Variants in C13orf42 observed in about 807,000 individuals in gnomAD.
C13orf42 encodes chromosome 13 open reading frame 42.
At chr13:51,139,278 G>A (rs1231527979) in intron 1 of C13orf42, among the ~76,000 whole-genome samples, 1 of 152,066 alleles carries the variant, frequency 6.6e-6, no homozygotes, top group African/African-American at 2.4e-5. Flanking sequence ...TCACGCCACT[G>A]TACTCCAGCC....
At chr13:51,119,258 G>T (rs1173533811) in intron 1 of C13orf42, among the ~76,000 whole-genome samples, 1 of 152,092 alleles carries the variant, frequency 6.6e-6, no homozygotes, top group Admixed American at 6.5e-5. Flanking sequence ...GGAAATGAGA[G>T]GTTTCAGAAC....
chr13:51,116,768 C>T lies in C13orf42; in HGVS notation n.137-3546G>A, dbSNP rs185163756. On this transcript the variant is annotated intron_variant and non_coding_transcript_variant, in intron 1 of 4. Coordinates refer to the C13orf42 transcript ENST00000433280. ...ATTTGCTCACAAATCTGCAATTTAG[C>T]TGGGCTTCTGTTGGATGTGCCAGTG... Among the ~76,000 whole-genome samples the T allele has an allele frequency of 1.5e-4, 23 of 152,346 alleles. No homozygotes were observed. The East Asian group carries it at 3.7e-3, about 24-fold the overall frequency.
chr13:51,118,116 T>C (rs1953506691), intron 1 of C13orf42, among the ~76,000 whole-genome samples: 1 of 152,202 alleles, frequency 6.6e-6, no homozygotes, highest in Non-Finnish European at 1.5e-5. Flanking sequence ...AGTTCCAACT[T>C]CTGTTGCTAT....
intron 1 of C13orf42, among the ~76,000 whole-genome samples, chr13:51,117,614 A>G (rs574909079): frequency 1.3e-5 from 2 of 151,804 alleles, no homozygotes; most frequent in Non-Finnish European, 2.9e-5. Context: ...GGGTTGGAGT[A>G]AATAAAATAT....
chr13:51,152,359 T>C (rs1398508776), intron 1 of C13orf42, among the ~76,000 whole-genome samples: 1 of 152,222 alleles, frequency 6.6e-6, no homozygotes, highest in Non-Finnish European at 1.5e-5. Flanking sequence ...ATTTATTTAT[T>C]TTTTAAGAGA....
At chr13:51,156,048 T>G (rs993351304) in intron 1 of C13orf42, among the ~76,000 whole-genome samples, 1 of 152,158 alleles carries the variant, frequency 6.6e-6, no homozygotes, top group African/African-American at 2.4e-5. Flanking sequence ...TAGGCCACCT[T>G]GAGGATACGG....
At chr13:51,147,184 C>A (rs2138035133) in intron 1 of C13orf42, among the ~76,000 whole-genome samples, 1 of 152,168 alleles carries the variant, frequency 6.6e-6, no homozygotes, top group South Asian at 2.1e-4. Context: ...TCTGCATCTG[C>A]ATAGCATCTA....
chr13:51,085,191 A>G, intron 3 of C13orf42, 128 bp downstream of exon 3: 1 of 125,484 alleles, frequency 8.0e-6, no homozygotes, highest in Non-Finnish European at 1.4e-5. Context: ...ACAAATATAT[A>G]TATATATATA....
At chr13:51,118,525 G>C (rs1050996819) in intron 1 of C13orf42, among the ~76,000 whole-genome samples, 8 of 152,222 alleles carry the variant, frequency 5.3e-5, no homozygotes, top group African/African-American at 1.9e-4. Flanking sequence ...CTAGAATCAG[G>C]AGTCAGTCAA....
intron 1 of C13orf42, among the ~76,000 whole-genome samples, chr13:51,151,613 T>C (rs1953778369): frequency 6.6e-6 from 1 of 152,198 alleles, no homozygotes; most frequent in Admixed American, 6.5e-5. Context: ...ACCCTGCCAA[T>C]GCAAATATGC....
intron 1 of C13orf42, among the ~76,000 whole-genome samples, chr13:51,170,059 A>T (rs2138056430): frequency 6.6e-6 from 1 of 152,274 alleles, no homozygotes; most frequent in Non-Finnish European, 1.5e-5. Context: ...ACCTTGTGAA[A>T]GTCCTTTTCC....
At chr13:51,154,565 G>A (rs1337897256) in intron 1 of C13orf42, among the ~76,000 whole-genome samples, 2 of 152,308 alleles carry the variant, frequency 1.3e-5, no homozygotes, top group South Asian at 2.1e-4. Flanking sequence ...CACCAGAGTG[G>A]AGCAAGCGAG....
At chr13:51,142,446 TA>T (rs1176913700) in intron 1 of C13orf42, among the ~76,000 whole-genome samples, 1 of 152,070 alleles carries the variant, frequency 6.6e-6, no homozygotes, top group African/African-American at 2.4e-5. Context: ...CATAAACAAC[TA>T]AAATAAAGTA....
chr13:51,108,942 A>G (rs951542217), intron 1 of C13orf42, among the ~76,000 whole-genome samples: 4 of 152,216 alleles, frequency 2.6e-5, no homozygotes, highest in African/African-American at 9.6e-5. Context: ...AGATAGCTCA[A>G]CAAGGAAGGG....
chr13:51,109,793 T>G (rs1475739418), intron 1 of C13orf42, among the ~76,000 whole-genome samples: 1 of 152,070 alleles, frequency 6.6e-6, no homozygotes, highest in Non-Finnish European at 1.5e-5. Flanking sequence ...AAAGAGTAAC[T>G]GAATGAATTG....
chr13:51,091,679 T>C (rs574773207), intron 1 of C13orf42, among the ~76,000 whole-genome samples: 2 of 152,240 alleles, frequency 1.3e-5, no homozygotes, highest in East Asian at 1.9e-4. Flanking sequence ...GTGATTCTAA[T>C]ACACAGTGGC....
intron 1 of C13orf42, among the ~76,000 whole-genome samples, chr13:51,139,232 T>C (rs549875334): frequency 6.6e-6 from 1 of 152,220 alleles, no homozygotes; most frequent in South Asian, 2.1e-4. Context: ...GGAGAATTGC[T>C]TTAACCTGGG....
intron 1 of C13orf42, among the ~76,000 whole-genome samples, chr13:51,097,698 C>T (rs1250610881): frequency 6.6e-6 from 1 of 151,708 alleles, no homozygotes; most frequent in Non-Finnish European, 1.5e-5. Context: ...GTCTTCCCTC[C>T]CTGAACTCAC....
At chr13:51,125,736 G>A (rs1953571840) in intron 1 of C13orf42, among the ~76,000 whole-genome samples, 2 of 152,176 alleles carry the variant, frequency 1.3e-5, no homozygotes, top group African/African-American at 4.8e-5. Flanking sequence ...TATTTGCTGG[G>A]AGCTACTCTG....
Sources: allele counts gnomAD v4.1 joint callset (sites outside exome capture counted in the v4.1 genomes callset), GRCh38; gene constraint gnomAD v4.1.1; transcripts MANE v1.5; gene names NCBI Gene and HGNC (gene_info 2026-07-23, HGNC 2026-07-21).